The following CHRM3 variants were observed in gnomAD, a reference collection of about 807,000 sequenced individuals.
CHRM3 encodes muscarinic acetylcholine receptor M3.
Under a neutral mutation model 41.8 loss-of-function variants are expected in CHRM3, and 11 were observed. The observed-to-expected ratio is 0.26, with a 90% CI of 0.17 to 0.44. The LOEUF (loss-of-function observed/expected upper bound fraction) is 0.44, where lower values mean the gene tolerates loss of function less well. Ranked by LOEUF, CHRM3 falls within the 20% of genes least tolerant of loss-of-function variation. The probability of loss-of-function intolerance (pLI) is 1.00; values close to 1 mark genes in which losing one functional copy is unlikely to be tolerated. For synonymous variants in CHRM3, 297 were observed against 301.4 expected (o/e 0.99, Z 0.15); for missense variants, 571 against 745.4 (o/e 0.77, Z 2.72).
In CHRM3 at chr1:239,907,504, C is replaced by G. The variant is rs369433508; in HGVS notation, c.53C>G (p.Ser18Cys). 1.2e-6 allele frequency: 2 copies of G among 1,614,196 alleles called. No homozygotes were observed. The highest frequency in any genetic ancestry group is 1.1e-5 in the South Asian group (1 of 91,070). ...TTSPLFPNIS[S>C]SWIHSPSDAG... Reference sequence around the variant, plus strand: ...TCGCCTTTGTTTCCAAACATCAGCTCCTCCTGGATACACAGCCCCTCCGAT... The same window carrying G: ...TCGCCTTTGTTTCCAAACATCAGCTGCTCCTGGATACACAGCCCCTCCGAT... Residue 18 changes from serine (S) to cysteine (C), a missense_variant, in exon 7 of 7, where the codon TCC becomes TGC. This residue lies in a region of CHRM3 where 92 missense variants were observed against 76.1 expected (regional missense o/e 1.21). Transcript: ENST00000676153. The surrounding 1 kb of genome is among the most constrained non-coding windows in gnomAD (Gnocchi z 5.4).
intron 5 of CHRM3, among the ~76,000 whole-genome samples, chr1:239,766,309 A>G (rs778507559): frequency 5.9e-5 from 9 of 152,226 alleles, no homozygotes; most frequent in African/African-American, 7.2e-5. Flanking sequence ...ATCACAGTGC[A>G]TTGTCACCAA....
chr1:239,858,546 T>C (rs1675313223), intron 6 of CHRM3, among the ~76,000 whole-genome samples: 1 of 150,176 alleles, frequency 6.7e-6, no homozygotes, highest in Non-Finnish European at 1.5e-5. Flanking sequence ...AGAGAATAAT[T>C]GTACTTGCCT....
chr1:239,733,863 T>C (rs983951917), intron 5 of CHRM3, among the ~76,000 whole-genome samples: 5 of 152,076 alleles, frequency 3.3e-5, no homozygotes, highest in Non-Finnish European at 7.4e-5. Context: ...TGTACCTTAT[T>C]TAATTTAATA....
chr1:239,618,168 G>A (rs1667844834), intron 3 of CHRM3, among the ~76,000 whole-genome samples: 1 of 151,642 alleles, frequency 6.6e-6, no homozygotes, highest in Admixed American at 6.6e-5. Context: ...GTATCTGTCT[G>A]GGCAGTGATG....
intron 5 of CHRM3, among the ~76,000 whole-genome samples, chr1:239,732,199 A>G (rs1394483170): frequency 6.6e-6 from 1 of 151,922 alleles, no homozygotes; most frequent in African/African-American, 2.4e-5. Flanking sequence ...TATCTCATTT[A>G]GATAAGTATG....
intron 3 of CHRM3, among the ~76,000 whole-genome samples, chr1:239,578,683 C>T (rs1662590811): frequency 6.6e-6 from 1 of 152,092 alleles, no homozygotes; most frequent in East Asian, 1.9e-4. Context: ...AAAGTATGTC[C>T]TCCATTAATT....
At chr1:239,831,001 T>G (rs1672853924) in intron 6 of CHRM3, among the ~76,000 whole-genome samples, 1 of 152,180 alleles carries the variant, frequency 6.6e-6, no homozygotes, top group Non-Finnish European at 1.5e-5. Flanking sequence ...GGGATTTTTT[T>G]TTTTAATATG....
intron 1 of CHRM3, among the ~76,000 whole-genome samples, chr1:239,442,114 T>C (rs981757545): frequency 2.0e-5 from 3 of 151,876 alleles, no homozygotes; most frequent in African/African-American, 7.3e-5. Flanking sequence ...CTAATATTGT[T>C]TGTCATTAAA....
At chr1:239,816,001 C>G (rs1671547956) in intron 5 of CHRM3, among the ~76,000 whole-genome samples, 1 of 149,518 alleles carries the variant, frequency 6.7e-6, no homozygotes, top group Non-Finnish European at 1.5e-5. Context: ...TCTGGTTTGT[C>G]TTTTTTTTTT....
At chr1:239,486,540 C>A (rs980009161) in intron 1 of CHRM3, among the ~76,000 whole-genome samples, 1 of 152,152 alleles carries the variant, frequency 6.6e-6, no homozygotes, top group Non-Finnish European at 1.5e-5. Context: ...ATTTGAAGAA[C>A]CAAATAGTAA....
chr1:239,562,217 A>G (rs997985385), intron 3 of CHRM3, among the ~76,000 whole-genome samples: 1 of 152,192 alleles, frequency 6.6e-6, no homozygotes, highest in Non-Finnish European at 1.5e-5. Flanking sequence ...ACAAAGGGGA[A>G]GGGGAAGGGA....
chr1:239,469,578 A>T (rs1053629114), intron 1 of CHRM3, among the ~76,000 whole-genome samples: 1 of 152,240 alleles, frequency 6.6e-6, no homozygotes, highest in East Asian at 1.9e-4. Context: ...TTTAATGAAG[A>T]TGGAGTCTCT....
chr1:239,517,777 T>C (rs1015700417), intron 2 of CHRM3, among the ~76,000 whole-genome samples: 11 of 152,194 alleles, frequency 7.2e-5, no homozygotes, highest in Admixed American at 2.0e-4. Context: ...CTTTGTCTTA[T>C]ATATTCTACT....
chr1:239,496,510 AGT>A (rs71166874), intron 2 of CHRM3, among the ~76,000 whole-genome samples: 5,943 of 145,022 alleles, frequency 0.041, 301 homozygotes, highest in African/African-American at 0.13. Context: ...TAGTAATTCT[AGT>A]GTGTGTGTGT....
At chr1:239,557,376 A>G (rs1055380771) in intron 3 of CHRM3, among the ~76,000 whole-genome samples, 3 of 152,178 alleles carry the variant, frequency 2.0e-5, no homozygotes, top group Non-Finnish European at 4.4e-5. Context: ...CCTTCTGGTA[A>G]TCATTCCCCT....
intron 1 of CHRM3, among the ~76,000 whole-genome samples, chr1:239,441,966 T>C (rs188580315): frequency 1.1e-4 from 16 of 152,326 alleles, no homozygotes; most frequent in Non-Finnish European, 1.8e-4. Context: ...GATTTATGTT[T>C]TAAGCATTCA....
intron 3 of CHRM3, among the ~76,000 whole-genome samples, chr1:239,603,597 C>T (rs1411528250): frequency 6.6e-6 from 1 of 152,052 alleles, no homozygotes; most frequent in Non-Finnish European, 1.5e-5. Flanking sequence ...CCAGGGGCTT[C>T]TATCTTTCTT....
At chr1:239,639,167 C>T (rs1670817222) in intron 4 of CHRM3, among the ~76,000 whole-genome samples, 1 of 151,934 alleles carries the variant, frequency 6.6e-6, no homozygotes, top group African/African-American at 2.4e-5. Flanking sequence ...GTTACTGTAG[C>T]CTTGTAGTAT....
intron 1 of CHRM3, among the ~76,000 whole-genome samples, chr1:239,476,892 A>G (rs1347490741): frequency 6.6e-6 from 1 of 152,218 alleles, no homozygotes; most frequent in African/African-American, 2.4e-5. Context: ...CTTCAGAGTA[A>G]TCCAAAAGTC....
Sources: gnomAD v4.1 joint callset for allele counts (sites outside exome capture counted in the v4.1 genomes callset) on GRCh38, gnomAD v4.1.1 for gene constraint, gnomAD v4.1.1 regional missense constraint, Gnocchi (gnomAD v3.1) non-coding constraint, MANE v1.5 for transcripts, NCBI Gene and HGNC (gene_info 2026-07-23, HGNC 2026-07-21) for gene names.